ADCY7: variants seen among roughly 807,000 people sequenced by gnomAD.
ADCY7 encodes the protein adenylate cyclase 7, also known as adenylate cyclase type 7.
A neutral mutation model predicts 120.6 loss-of-function variants in ADCY7; 72 were observed. That is an observed-to-expected ratio of 0.60 (90% CI 0.49 to 0.73). ADCY7 has a LOEUF of 0.73. ADCY7 is among the 30% of genes least tolerant of loss of function. The probability of loss-of-function intolerance (pLI) is 0.00; values close to 1 mark genes in which losing one functional copy is unlikely to be tolerated. For synonymous variants in ADCY7, 661 were observed against 628.0 expected (o/e 1.05, Z -0.78); for missense variants, 1,227 against 1,486.0 (o/e 0.83, Z 2.87).
rs1340182286 is a variant in ADCY7 at position 50,315,790 on chromosome 16, G to C, written c.*285G>C. ...TTCACTGGTTCGGGGCTGACTTTGA[G>C]ATCTTTGTTCCCTGAGGTGCCAGGC... On this transcript the variant is annotated 3_prime_UTR_variant, in exon 26 of 26. Transcript: ENST00000673801. The C allele has an allele frequency of 2.8e-6, 1 of 356,342 alleles. No individual in the cohort carries two copies. The highest frequency in any genetic ancestry group is 2.0e-5 in the African/African-American group (1 of 48,876). The allele number at this position is 356,342 out of a possible 1,614,324, so 22.1% of individuals were successfully genotyped here.
intron 14 of ADCY7, among the ~76,000 whole-genome samples, chr16:50,306,502 G>A (rs566745736): frequency 2.7e-5 from 4 of 148,330 alleles, no homozygotes; most frequent in East Asian, 4.0e-4. Context: ...CAGGGCCGCC[G>A]AGCCTGCTTT....
intron 3 of ADCY7, 51 bp from the exon 4 acceptor site, chr16:50,291,685 C>T (rs372391365): frequency 8.9e-5 from 144 of 1,609,254 alleles, no homozygotes; most frequent in Non-Finnish European, 1.1e-4. Context: ...GGGGGCTGTA[C>T]GGCCTGGGGC....
intron 21 of ADCY7, 145 bp downstream of exon 21, chr16:50,312,336 G>T: frequency 1.1e-6 from 1 of 901,660 alleles, no homozygotes; most frequent in South Asian, 1.7e-5. Context: ...GACAATGTAT[G>T]GCATCAGCTG....
intron 6 of ADCY7, 64 bp downstream of exon 6, chr16:50,293,566 A>G (rs2150978780): frequency 1.3e-6 from 2 of 1,570,018 alleles, no homozygotes; most frequent in East Asian, 2.3e-5. Context: ...ACCGGCCCCC[A>G]GGCGGCCTCC....
intron 4 of ADCY7, 104 bp downstream of exon 4, chr16:50,292,001 G>T (rs557687548): frequency 3.1e-6 from 4 of 1,307,116 alleles, no homozygotes; most frequent in Non-Finnish European, 4.1e-6. Context: ...CCCCGGAGCC[G>T]TGTTTGCAGA....
chr16:50,299,092 G>A, intron 8 of ADCY7, 61 bp downstream of exon 8: 2 of 1,519,306 alleles, frequency 1.3e-6, no homozygotes, highest in South Asian at 2.5e-5. Context: ...CCTGGGCATG[G>A]TAGGGGATGT....
chr16:50,302,719 A>G (rs112854841), intron 10 of ADCY7, among the ~76,000 whole-genome samples: 2,343 of 152,126 alleles, frequency 0.015, 67 homozygotes, highest in African/African-American at 0.054. Context: ...TTCCCTCCAC[A>G]GGGATTTTCA....
chr16:50,305,013 G>A, intron 12 of ADCY7, 54 bp downstream of exon 12: 2 of 1,609,008 alleles, frequency 1.2e-6, no homozygotes, highest in South Asian at 1.1e-5. Context: ...CCTCCAAGCA[G>A]GCTGCCCTGA....
chr16:50,301,219 G>C lies in ADCY7; in HGVS notation c.1368+5G>C. ...TACCTGGTCATCGACCCCCGGGTACGAGGGCTCAGAGGCCGCAGCTGGGGG... is the reference window on the plus strand; with the variant it reads ...TACCTGGTCATCGACCCCCGGGTACCAGGGCTCAGAGGCCGCAGCTGGGGG... On this transcript the variant is annotated splice_donor_5th_base_variant and intron_variant, in intron 10 of 25. Transcript: ENST00000673801. 2.5e-6 allele frequency: 4 copies of C among 1,577,770 alleles called. No homozygotes were observed. The highest frequency in any genetic ancestry group is 2.6e-6 in the Non-Finnish European group (3 of 1,162,504).
At chr16:50,291,929 T>G in intron 4 of ADCY7, 32 bp downstream of exon 4, 1 of 1,574,434 alleles carries the variant, frequency 6.4e-7, no homozygotes, top group Non-Finnish European at 8.6e-7. Context: ...CTGGGGGAGG[T>G]TTTGTGGTCT....
chr16:50,314,853 A>G (rs2036712442), intron 24 of ADCY7, 161 bp from the exon 25 acceptor site: 1 of 945,244 alleles, frequency 1.1e-6, no homozygotes, highest in South Asian at 1.7e-5. Flanking sequence ...TCATACCCCA[A>G]GCCCGACTGC....
chr16:50,287,047 C>T (rs774380429), intron 1 of ADCY7, among the ~76,000 whole-genome samples: 1 of 150,162 alleles, frequency 6.7e-6, no homozygotes, highest in Non-Finnish European at 1.5e-5. Flanking sequence ...GATGGAGTCT[C>T]ACTCTGTTGC....
chr16:50,309,621 CAA>C lies in ADCY7; in HGVS notation c.2136_2137del (p.Arg713SerfsTer4). The C allele has an allele frequency of 1.9e-6, 3 of 1,612,050 alleles. No individual in the cohort carries two copies. Among genetic ancestry groups the C allele is most frequent in the Non-Finnish European group, 2.5e-6 (3 of 1,180,020 alleles). ...GGCCTACTGGCCGCGAGCAGCAAGA[CAA>C]GAGCCCTGTGTGAGCCCCTCCCGGT... On this transcript the variant is annotated frameshift_variant, in exon 18 of 26. Coordinates refer to ENST00000673801, the MANE Select transcript of ADCY7 (RefSeq NM_001114.5). LOFTEE classifies it high-confidence loss of function.
chr16:50,294,833 C>T, intron 7 of ADCY7, 82 bp downstream of exon 7: 1 of 958,922 alleles, frequency 1.0e-6, no homozygotes, highest in Non-Finnish European at 1.6e-6. Flanking sequence ...GTTCAGTGCC[C>T]TGCTGGAATT....
chr16:50,296,955 G>T (rs553542494), intron 7 of ADCY7, among the ~76,000 whole-genome samples: 30 of 152,342 alleles, frequency 2.0e-4, no homozygotes, highest in African/African-American at 7.2e-4. Flanking sequence ...TGAACCAGCA[G>T]CTGGGAGCCC....
chr16:50,291,997 A>G (rs1052158555), intron 4 of ADCY7, 100 bp downstream of exon 4: 6 of 1,350,686 alleles, frequency 4.4e-6, no homozygotes, highest in Non-Finnish European at 6.0e-6. Context: ...AAGGCCCCGG[A>G]GCCGTGTTTG....
At chr16:50,304,601 G>A (rs776454624) in intron 11 of ADCY7, 50 bp downstream of exon 11, 2 of 1,490,492 alleles carry the variant, frequency 1.3e-6, no homozygotes, top group South Asian at 2.7e-5. Flanking sequence ...CCCAAGCCAG[G>A]AGCAGGAGAG....
rs763179375 is a variant in ADCY7, at chr16:50,312,938, G to A, written c.2653G>A (p.Val885Met). 8 of 1,614,074 alleles carry A rather than the reference G, an allele frequency of 5.0e-6. No individual in the cohort carries two copies. The highest frequency in any genetic ancestry group is 2.7e-5 in the African/African-American group (2 of 74,922). The change falls in exon 22 of 26, where the codon GTG becomes ATG. Residue 885 changes from valine to methionine, a missense_variant. By Grantham distance (21) the Val-to-Met change is conservative. This residue lies in a region of ADCY7 where 244 missense variants were observed against 332.8 expected (regional missense o/e 0.73). Transcript: ENST00000673801. ...CTGCGTCTGTGTCATGTTTGCCTCC[G>A]TGCCGGACTTCAAAGTGTTCTACAC... ...YDCVCVMFASVPDFKVFYTEC... is the reference protein window; with the variant it reads ...YDCVCVMFASMPDFKVFYTEC...
At chr16:50,258,552 TG>T (rs2032978947) in intron 1 of ADCY7, among the ~76,000 whole-genome samples, 1 of 152,090 alleles carries the variant, frequency 6.6e-6, no homozygotes, top group East Asian at 1.9e-4. Flanking sequence ...AATTTCCTTT[TG>T]TAATACTGGC....
Sources: gnomAD v4.1 joint callset for allele counts (sites outside exome capture counted in the v4.1 genomes callset) on GRCh38, gnomAD v4.1.1 for gene constraint, gnomAD v4.1.1 regional missense constraint, MANE v1.5 for transcripts, NCBI Gene and HGNC (gene_info 2026-07-23, HGNC 2026-07-21) for gene names.